The following MAP3K9 variants were observed in gnomAD, a reference collection of about 807,000 sequenced individuals.
The protein encoded by MAP3K9 is mixed lineage kinase 1 (tyr and ser/thr specificity).
MAP3K9 carries 46 observed loss-of-function variants against 95.8 expected under a neutral mutation model. That is an observed-to-expected ratio of 0.48 (90% confidence interval 0.38 to 0.61). The LOEUF is 0.61. Among genes scored for constraint, MAP3K9 ranks in the 20% least tolerant of loss-of-function variants. MAP3K9 has a pLI of 0.00. For missense variants in MAP3K9, 1,296 were observed against 1,474.3 expected (o/e 0.88, Z 1.98); for synonymous variants, 533 against 593.8 (o/e 0.90, Z 1.49).
At chr14:70,765,372 A>AGTGTTTATAAG (rs1398532222) in intron 2 of MAP3K9, 1 of 488,936 alleles carries the variant, frequency 2.0e-6, no homozygotes, top group Non-Finnish European at 3.6e-6. Flanking sequence ...CTAAGTGTAC[A>AGTGTTTATAAG]GTGTTTATAA....
chr14:70,727,976 C>T lies in MAP3K9; in HGVS notation c.*2404G>A, dbSNP rs1240989084. On this transcript the variant is annotated 3_prime_UTR_variant, in exon 12 of 12. Coordinates refer to ENST00000554752, the MANE Select transcript of MAP3K9 (RefSeq NM_001284230.2). Reference sequence around the variant, plus strand: ...GCAAAGGAAAAATCTCTGCTTCATACCACAGAGCACTGTGTATAGGCAGCA... The same window carrying T: ...GCAAAGGAAAAATCTCTGCTTCATATCACAGAGCACTGTGTATAGGCAGCA... 6.6e-6 allele frequency: 1 copy of T among 152,168 alleles called. No homozygotes were observed. Among genetic ancestry groups the T allele is most frequent in the Non-Finnish European group, 1.5e-5 (1 of 68,072 alleles). 9.4% of individuals were successfully genotyped at this position (152,168 alleles called of 1,614,324 possible).
chr14:70,787,107 A>G (rs2054754187), intron 2 of MAP3K9, among the ~76,000 whole-genome samples: 1 of 152,190 alleles, frequency 6.6e-6, no homozygotes, highest in African/African-American at 2.4e-5. Context: ...GGAATCTAGC[A>G]TAACTATTTT....
At chr14:70,739,308 T>C (rs2054031828) in intron 7 of MAP3K9, among the ~76,000 whole-genome samples, 1 of 152,142 alleles carries the variant, frequency 6.6e-6, no homozygotes, top group South Asian at 2.1e-4. Flanking sequence ...TTTTTTGTAT[T>C]TTTAGTAGAG....
At chr14:70,782,591 A>G (rs2054694790) in intron 2 of MAP3K9, among the ~76,000 whole-genome samples, 1 of 152,174 alleles carries the variant, frequency 6.6e-6, no homozygotes, top group Non-Finnish European at 1.5e-5. Flanking sequence ...AACACCAATT[A>G]AAGTTTCCTA....
At chr14:70,734,561 C>G in intron 9 of MAP3K9, 63 bp from the exon 10 acceptor site, 1 of 926,382 alleles carries the variant, frequency 1.1e-6, no homozygotes. Context: ...ACCCTCAGCT[C>G]CATGGGTCTA....
In MAP3K9 at chr14:70,728,725, A is replaced by C. The variant is rs1456271107; in HGVS notation, c.*1655T>G. The C allele has an allele frequency of 2.6e-5, 4 of 152,240 alleles. No individual in the cohort carries two copies. The highest frequency in any genetic ancestry group is 9.6e-5 in the African/African-American group (4 of 41,466). 9.4% of individuals were successfully genotyped at this position (152,240 alleles called of 1,614,324 possible). ...ACAAGGTCACCCCTTTAGTGACCCCAAGGCAGGACATCTATCCCAGTTATA... is the reference window on the plus strand; with the variant it reads ...ACAAGGTCACCCCTTTAGTGACCCCCAGGCAGGACATCTATCCCAGTTATA... On this transcript the variant is annotated 3_prime_UTR_variant, in exon 12 of 12. Transcript: ENST00000554752.
intron 6 of MAP3K9, 23 bp from the exon 7 acceptor site, chr14:70,740,187 G>A (rs372910338): frequency 1.2e-5 from 19 of 1,604,864 alleles, no homozygotes; most frequent in African/African-American, 5.4e-5. Context: ...AGACAAACAC[G>A]TGTATGCATT....
chr14:70,732,044 A>G (rs1000365272), intron 11 of MAP3K9, among the ~76,000 whole-genome samples: 2 of 152,158 alleles, frequency 1.3e-5, no homozygotes, highest in African/African-American at 4.8e-5. Flanking sequence ...GTGAGTGTTG[A>G]AGAGTGTGAT....
chr14:70,767,665 T>C (rs952036778), intron 2 of MAP3K9, among the ~76,000 whole-genome samples: 1 of 152,116 alleles, frequency 6.6e-6, no homozygotes, highest in Non-Finnish European at 1.5e-5. Flanking sequence ...GCCTTTCGCC[T>C]TCTATAAGGA....
rs568794535 is a variant in MAP3K9 at position 70,777,888 on chromosome 14, T to C, written c.821-16706A>G. On this transcript the variant is annotated intron_variant, in intron 2 of 11. Transcript: ENST00000554752. ...AAGATTTCACTCCAAAAAATCAAGATTCCTCCCAGCCAACACGCATGCCTG... is the reference window on the plus strand; with the variant it reads ...AAGATTTCACTCCAAAAAATCAAGACTCCTCCCAGCCAACACGCATGCCTG... Among the ~76,000 whole-genome samples the C allele has an allele frequency of 2.0e-5, 3 of 152,280 alleles. No individual in the cohort carries two copies. In the South Asian group the frequency reaches 6.2e-4, roughly 32 times the overall value.
At chr14:70,790,820 T>A (rs867889280) in intron 2 of MAP3K9, among the ~76,000 whole-genome samples, 11 of 152,322 alleles carry the variant, frequency 7.2e-5, no homozygotes, top group Middle Eastern at 3.4e-3. Flanking sequence ...TTCTCCTGAC[T>A]CAACCAGACC....
At chr14:70,773,776 C>A (rs1030291609) in intron 2 of MAP3K9, among the ~76,000 whole-genome samples, 1 of 152,136 alleles carries the variant, frequency 6.6e-6, no homozygotes, top group African/African-American at 2.4e-5. Context: ...GAGCTGTGAA[C>A]GAGAAGGAGG....
Position 70,742,573 on chromosome 14 carries a change from C to T in MAP3K9, c.1345G>A (p.Glu449Lys), listed in dbSNP as rs1351065757. Residue 449 changes from glutamate (E) to lysine (K), a missense_variant, in exon 6 of 12, where the codon GAG (glutamate) becomes AAG (lysine). Glu to Lys is a moderately conservative substitution (Grantham distance 56). This residue lies in a region of MAP3K9 where 377 missense variants were observed against 417.1 expected (regional missense o/e 0.90). Transcript: ENST00000554752. ...TGCAGTGCAGCCCGCGTCAGCTCCT[C>T]CTCCCAGGTGCGAAGTTCCTGCAGG... is the stretch of plus-strand genomic sequence containing the variant. The part of the protein sequence containing the change: ...AKEKELRTWE[E>K]ELTRAALQQK... 3.7e-6 allele frequency: 6 copies of T among 1,614,072 alleles called. No homozygotes were observed. Among genetic ancestry groups the T allele is most frequent in the Non-Finnish European group, 1.7e-6 (2 of 1,179,990 alleles).
rs781725690 is a variant in MAP3K9, at chr14:70,742,576, C to T, written c.1342G>A (p.Glu448Lys). 6.2e-7 allele frequency: 1 copy of T among 1,614,038 alleles called. No individual in the cohort carries two copies. The highest frequency in any genetic ancestry group is 1.7e-5 in the Admixed American group (1 of 60,032). The change falls in exon 6 of 12, where the codon GAG (glutamate) becomes AAG (lysine). Residue 448 changes from glutamate (E) to lysine (K), a missense_variant. Physicochemically the swap from Glu to Lys is moderately conservative, Grantham distance 56. Transcript: ENST00000554752. ...RAKEKELRTW[E>K]EELTRAALQQ... ...AGTGCAGCCCGCGTCAGCTCCTCCT[C>T]CCAGGTGCGAAGTTCCTGCAGGATG...
intron 7 of MAP3K9, 171 bp downstream of exon 7, chr14:70,739,871 A>G: frequency 6.4e-7 from 1 of 1,559,352 alleles, no homozygotes; most frequent in Non-Finnish European, 8.7e-7. Flanking sequence ...GGAGAGAGAC[A>G]AGGGAGAGGG....
intron 4 of MAP3K9, 72 bp downstream of exon 4, chr14:70,749,861 T>C (rs937893294): frequency 1.3e-6 from 2 of 1,563,424 alleles, no homozygotes; most frequent in Admixed American, 1.7e-5. Flanking sequence ...TCTCACAGAA[T>C]TGGCCAAACT....
At chr14:70,803,615 T>C (rs1175700409) in intron 1 of MAP3K9, among the ~76,000 whole-genome samples, 2 of 152,152 alleles carry the variant, frequency 1.3e-5, no homozygotes, top group African/African-American at 2.4e-5. Context: ...GGTTAGCCCA[T>C]CTGTATTTTG....
chr14:70,788,555 C>A (rs2139839528), intron 2 of MAP3K9, among the ~76,000 whole-genome samples: 1 of 152,306 alleles, frequency 6.6e-6, no homozygotes, highest in East Asian at 1.9e-4. Context: ...AGACTCAAAT[C>A]CAGTTTCACC....
At chr14:70,778,450 G>C (rs1218446336) in intron 2 of MAP3K9, among the ~76,000 whole-genome samples, 3 of 151,932 alleles carry the variant, frequency 2.0e-5, no homozygotes, top group Non-Finnish European at 4.4e-5. Flanking sequence ...TAATTTTTGT[G>C]TTTTTAGCAG....
Sources: allele counts gnomAD v4.1 joint callset (sites outside exome capture counted in the v4.1 genomes callset), GRCh38; gene constraint gnomAD v4.1.1; regional missense constraint gnomAD v4.1.1; transcripts MANE v1.5; gene names NCBI Gene and HGNC (gene_info 2026-07-23, HGNC 2026-07-21).